The following TRPC3 variants were observed in gnomAD, a reference collection of about 807,000 sequenced individuals.
TRPC3 encodes transient receptor potential cation channel subfamily C member 3, also known as short transient receptor potential channel 3.
A neutral mutation model predicts 90.9 loss-of-function variants in TRPC3; 54 were observed. That is an observed-to-expected ratio of 0.59 (90% CI 0.48 to 0.75). TRPC3 has a LOEUF of 0.75. Among genes scored for constraint, TRPC3 ranks in the 30% least tolerant of loss-of-function variants. The pLI is 0.00. For missense variants in TRPC3, 918 were observed against 1,194.5 expected, an observed-to-expected ratio of 0.77 and a Z score of 3.41; for synonymous variants, 424 against 450.9, an observed-to-expected ratio of 0.94 and a Z score of 0.75.
In TRPC3 at chr4:121,932,559, G is replaced by A; in HGVS notation, c.699C>T (p.Asp233=). 1 of 1,614,240 alleles carries A rather than the reference G, an allele frequency of 6.2e-7. No individual in the cohort carries two copies. The highest frequency in any genetic ancestry group is 8.5e-7 in the Non-Finnish European group (1 of 1,180,040). The change falls in exon 2 of 12, where the codon GAC becomes GAT. Residue 233 remains aspartate (D), a synonymous_variant. Transcript: ENST00000379645. The surrounding 1 kb of genome is among the most constrained non-coding windows in gnomAD (Gnocchi z 7.7). ...YDEDGTRFSP[D]ITPIILAAHC... is the part of the protein sequence containing the mutation. ...GCGCCGCCAGGATGATGGGGGTGAT[G>A]TCCGGCGAGAAGCGCGTGCCGTCCT...
rs777236974 is a variant in TRPC3, at chr4:121,902,932, G to T, written c.2383C>A (p.Arg795=). ...CTGCATTTGGGAAAGTTAACAATTC[G>T]CATGATGAAATAAACAAATGATTTT... is the stretch of plus-strand genomic sequence containing the variant. ...SPKSFVYFIM[R]IVNFPKCRRR... Residue 795 remains arginine (R), a synonymous_variant, in exon 9 of 12, where the codon CGA becomes AGA. Coordinates refer to ENST00000379645, the MANE Select transcript of TRPC3 (RefSeq NM_001130698.2). 1.2e-6 allele frequency: 2 copies of T among 1,613,306 alleles called. No homozygotes were observed. The highest frequency in any genetic ancestry group is 1.7e-4 in the Middle Eastern group (1 of 6,056).
intron 1 of TRPC3, among the ~76,000 whole-genome samples, chr4:121,947,914 T>C (rs141030472): frequency 4.6e-5 from 7 of 152,332 alleles, no homozygotes; most frequent in African/African-American, 1.7e-4. Context: ...GTCATAAGTT[T>C]TTCTCTTGAT....
At chr4:121,923,906 C>T (rs1326544030) in intron 3 of TRPC3, among the ~76,000 whole-genome samples, 1 of 152,234 alleles carries the variant, frequency 6.6e-6, no homozygotes, top group East Asian at 1.9e-4. Context: ...TCTTAAAGTA[C>T]AAGAAAGTCT....
At chr4:121,950,472 TAA>T (rs1449661029) in intron 1 of TRPC3, 2 of 152,254 alleles carry the variant, frequency 1.3e-5, no homozygotes, top group African/African-American at 4.8e-5. Context: ...GCGTTCTTCC[TAA>T]AAAAGACAGT....
At chr4:121,888,345 CAA>C (rs1211861685) in intron 10 of TRPC3, among the ~76,000 whole-genome samples, 1 of 152,016 alleles carries the variant, frequency 6.6e-6, no homozygotes. Context: ...TAAAAAAATG[CAA>C]AGTCATGGCA....
chr4:121,939,667 G>T (rs1443378344), intron 1 of TRPC3, among the ~76,000 whole-genome samples: 5 of 152,268 alleles, frequency 3.3e-5, no homozygotes, highest in Non-Finnish European at 5.9e-5. Flanking sequence ...CTGCACTAAG[G>T]CTTGGGACAG....
Position 121,898,113 on chromosome 4 carries a change from A to G in TRPC3, c.2547+1499T>C, listed in dbSNP as rs151105769. Among the ~76,000 whole-genome samples, 173 of 152,326 alleles carry G rather than the reference A, an allele frequency of 1.1e-3. 1 individual carries two copies. The highest frequency in any genetic ancestry group is 4.0e-3 in the African/African-American group (165 of 41,572). On this transcript the variant is annotated intron_variant, in intron 10 of 11. Transcript: ENST00000379645. ...CATATGTGGAAGCTAAAAAAAGTTG[A>G]TCTCACAGAGGTAAAATGTAGGACG...
intron 10 of TRPC3, among the ~76,000 whole-genome samples, chr4:121,891,892 C>G (rs1728341269): frequency 6.6e-6 from 1 of 152,174 alleles, no homozygotes; most frequent in African/African-American, 2.4e-5. Flanking sequence ...CCAACTACTC[C>G]TTTGAGCCAC....
At chr4:121,900,348 T>A (rs933774616) in intron 9 of TRPC3, among the ~76,000 whole-genome samples, 1 of 152,206 alleles carries the variant, frequency 6.6e-6, no homozygotes, top group African/African-American at 2.4e-5. Flanking sequence ...CAGGGCCTCT[T>A]ATCTGTGGCC....
At chr4:121,892,901 A>G (rs1728379281) in intron 10 of TRPC3, among the ~76,000 whole-genome samples, 1 of 152,026 alleles carries the variant, frequency 6.6e-6, no homozygotes, top group South Asian at 2.1e-4. Context: ...CAAGTGGATC[A>G]CTTGAGGTCA....
In TRPC3 at chr4:121,932,924, C is replaced by T. The variant is rs199670427; in HGVS notation, c.334G>A (p.Glu112Lys). 2 of 1,614,054 alleles carry T rather than the reference C, an allele frequency of 1.2e-6. No homozygotes were observed. Among genetic ancestry groups the T allele is most frequent in the South Asian group, 1.1e-5 (1 of 91,066 alleles). ...FNDRGTSLTAEEERFLDAAEY... is the reference protein window; with the variant it reads ...FNDRGTSLTAKEERFLDAAEY... Reference sequence around the variant, plus strand: ...GCGGCGTCGAGGAAGCGCTCCTCCTCGGCGGTGAGGCTGGTGCCGCGGTCA... The same window carrying T: ...GCGGCGTCGAGGAAGCGCTCCTCCTTGGCGGTGAGGCTGGTGCCGCGGTCA... The change falls in exon 2 of 12, where the codon GAG becomes AAG. Residue 112 changes from glutamate to lysine, a missense_variant. This residue lies in a region of TRPC3 where 609 missense variants were observed against 725.9 expected (regional missense o/e 0.84). Transcript: ENST00000379645. This position sits in a 1 kb window ranked among gnomAD's most constrained non-coding sequence, Gnocchi z 7.7.
chr4:121,907,934 T>C (rs2149122751), intron 6 of TRPC3, among the ~76,000 whole-genome samples: 1 of 152,228 alleles, frequency 6.6e-6, no homozygotes, highest in Non-Finnish European at 1.5e-5. Context: ...TACTGACCAG[T>C]TATTTTGTCA....
At chr4:121,933,183 T>C in intron 1 of TRPC3, 141 bp from the exon 2 acceptor site, 1 of 1,356,102 alleles carries the variant, frequency 7.4e-7, no homozygotes, top group African/African-American at 1.5e-5. Flanking sequence ...AGCGATACCG[T>C]TGCTAACTAC....
At chr4:121,891,565 CAG>C (rs1198262767) in intron 10 of TRPC3, among the ~76,000 whole-genome samples, 1 of 152,144 alleles carries the variant, frequency 6.6e-6, no homozygotes, top group Non-Finnish European at 1.5e-5. Context: ...GTAGCAAACA[CAG>C]AAAGAGTTCT....
chr4:121,904,274 C>T lies in TRPC3; in HGVS notation c.2253+48G>A, dbSNP rs138767713. The T allele has an allele frequency of 4.6e-6, 7 of 1,530,296 alleles. No homozygotes were observed. In the African/African-American group the frequency reaches 9.8e-5, roughly 21 times the overall value. The allele number at this position is 1,530,296 out of a possible 1,614,324, so 94.8% of individuals were successfully genotyped here. ...GGGTACAGAAGCAGATGTGTACTAT[C>T]AGAATAGGATGACAAGGATAGATAC... is the stretch of plus-strand genomic sequence containing the variant. On this transcript the variant is annotated intron_variant, in intron 8 of 11. Transcript: ENST00000379645.
At chr4:121,908,872 G>C (rs1056510429) in intron 6 of TRPC3, among the ~76,000 whole-genome samples, 1 of 151,922 alleles carries the variant, frequency 6.6e-6, no homozygotes, top group Non-Finnish European at 1.5e-5. Context: ...CTAAAAAAAA[G>C]TTTAAAAAAT....
At chr4:121,881,489 G>A (rs1727941626) in intron 11 of TRPC3, among the ~76,000 whole-genome samples, 1 of 151,984 alleles carries the variant, frequency 6.6e-6, no homozygotes, top group Admixed American at 6.6e-5. Flanking sequence ...AGATTGATTA[G>A]GTCACCATGA....
intron 2 of TRPC3, among the ~76,000 whole-genome samples, chr4:121,929,956 GTTACCTGC>G (rs980601136): frequency 4.6e-5 from 7 of 152,030 alleles, no homozygotes; most frequent in Non-Finnish European, 1.0e-4. Flanking sequence ...GGCAAATTAG[GTTACCTGC>G]TTGTCTCAGA....
intron 3 of TRPC3, among the ~76,000 whole-genome samples, chr4:121,920,222 C>A (rs1729455192): frequency 6.6e-6 from 1 of 151,734 alleles, no homozygotes; most frequent in African/African-American, 2.4e-5. Flanking sequence ...CCTTACAGAC[C>A]CCTTAAAAAT....
Sources: allele counts gnomAD v4.1 joint callset (sites outside exome capture counted in the v4.1 genomes callset), GRCh38; gene constraint gnomAD v4.1.1; regional missense constraint gnomAD v4.1.1; non-coding constraint Gnocchi (gnomAD v3.1); transcripts MANE v1.5; gene names NCBI Gene and HGNC (gene_info 2026-07-23, HGNC 2026-07-21).